SUPT3H: variants seen among roughly 807,000 people sequenced by gnomAD.
SUPT3H encodes the protein transcription initiation protein SPT3 homolog.
In SUPT3H, 44 loss-of-function variants were observed where a neutral mutation model predicts 44.3. The observed-to-expected ratio is 0.99, with a 90% confidence interval of 0.78 to 1.28. The LOEUF is 1.28. Ranked by LOEUF, SUPT3H falls within the 50% of genes most tolerant of loss-of-function variation. The pLI is 0.00. For missense variants in SUPT3H, 380 were observed against 387.1 expected, an observed-to-expected ratio of 0.98 and a Z score of 0.15; for synonymous variants, 124 against 125.6, an observed-to-expected ratio of 0.99 and a Z score of 0.09.
At chr6:44,979,118 C>T (rs1037590048) in intron 6 of SUPT3H, among the ~76,000 whole-genome samples, 1 of 152,112 alleles carries the variant, frequency 6.6e-6, no homozygotes, top group Non-Finnish European at 1.5e-5. Context: ...AATGAACACG[C>T]CTTGTTACTT....
At chr6:45,136,281 G>A (rs1031742767) in intron 2 of SUPT3H, among the ~76,000 whole-genome samples, 10 of 152,176 alleles carry the variant, frequency 6.6e-5, no homozygotes, top group African/African-American at 2.2e-4. Context: ...GTGGCTACAT[G>A]TTTGGGTGAC....
intron 10 of SUPT3H, among the ~76,000 whole-genome samples, chr6:44,905,768 C>T (rs1352711055): frequency 6.6e-6 from 1 of 152,172 alleles, no homozygotes; most frequent in South Asian, 2.1e-4. Flanking sequence ...TTGGAACCTA[C>T]CCAAATGTCC....
chr6:45,041,107 T>C (rs906256456), intron 3 of SUPT3H, among the ~76,000 whole-genome samples: 17 of 152,096 alleles, frequency 1.1e-4, no homozygotes, highest in African/African-American at 4.1e-4. Flanking sequence ...GGAGCTAGGG[T>C]GCCATCGTGA....
intron 5 of SUPT3H, among the ~76,000 whole-genome samples, chr6:45,008,419 G>A (rs1783012267): frequency 6.6e-6 from 1 of 152,048 alleles, no homozygotes; most frequent in African/African-American, 2.4e-5. Context: ...AAGTGGTGCA[G>A]TCACAGCATA....
intron 2 of SUPT3H, among the ~76,000 whole-genome samples, chr6:45,334,822 T>C (rs764533234): frequency 3.3e-5 from 5 of 151,152 alleles, no homozygotes; most frequent in African/African-American, 1.2e-4. Flanking sequence ...ATAATCAAAA[T>C]TTTTTTGCAT....
At chr6:44,838,295 C>T (rs909670002) in intron 10 of SUPT3H, among the ~76,000 whole-genome samples, 2 of 152,176 alleles carry the variant, frequency 1.3e-5, no homozygotes, top group Non-Finnish European at 2.9e-5. Context: ...ACAGTGGGTA[C>T]AGCAGGATCA....
intron 10 of SUPT3H, among the ~76,000 whole-genome samples, chr6:44,926,241 A>C (rs1349397694): frequency 6.6e-6 from 1 of 152,078 alleles, no homozygotes; most frequent in Admixed American, 6.5e-5. Context: ...AGTTGAATAA[A>C]AAATAATTAA....
intron 8 of SUPT3H, 50 bp downstream of exon 8, chr6:44,954,445 T>C: frequency 8.3e-6 from 11 of 1,320,686 alleles, no homozygotes; most frequent in Non-Finnish European, 1.2e-5. Flanking sequence ...TGGGCAGAGA[T>C]AAAGAAAAAC....
intron 2 of SUPT3H, among the ~76,000 whole-genome samples, chr6:45,342,731 T>C (rs1225304358): frequency 6.7e-6 from 1 of 148,160 alleles, no homozygotes; most frequent in African/African-American, 2.5e-5. Flanking sequence ...ATTTAGTTAA[T>C]AGTTTGCGTT....
chr6:45,351,629 A>G (rs1381060388), intron 2 of SUPT3H, among the ~76,000 whole-genome samples: 2 of 152,030 alleles, frequency 1.3e-5, no homozygotes, highest in Non-Finnish European at 2.9e-5. Context: ...TACTCTACCT[A>G]GTTTTATACT....
At chr6:44,813,976 T>G (rs1766728559) in intron 11 of SUPT3H, among the ~76,000 whole-genome samples, 1 of 152,088 alleles carries the variant, frequency 6.6e-6, no homozygotes, top group South Asian at 2.1e-4. Context: ...CAGCCACAGA[T>G]TCAAGTAGTT....
rs1017013708 is a variant in SUPT3H, at chr6:45,241,215, C to A, written c.101+123986G>T. Among the ~76,000 whole-genome samples the A allele has an allele frequency of 9.1e-5, 13 of 142,324 alleles. No homozygotes were observed. The South Asian group carries it at 1.1e-3, about 12-fold the overall frequency. 93.4% of individuals were successfully genotyped at this position (142,324 alleles called of 152,430 possible). On this transcript the variant is annotated intron_variant, in intron 2 of 10. Transcript: ENST00000371459. ...GACATGTTGGGAACAGGCCCCCCCC[C>A]AAATCTTGCCATAAGCTGGCCCCAA...
chr6:45,023,629 T>C (rs1785496541), intron 3 of SUPT3H, among the ~76,000 whole-genome samples: 2 of 152,228 alleles, frequency 1.3e-5, no homozygotes, highest in South Asian at 4.1e-4. Flanking sequence ...TGTGGGAACA[T>C]GGATGGAGTC....
In SUPT3H at chr6:45,349,837, T is replaced by C. The variant is rs62400329; in HGVS notation, c.101+15364A>G. Among the ~76,000 whole-genome samples, 910 of 152,370 alleles carry C rather than the reference T, an allele frequency of 6.0e-3. 8 individuals carry two copies. Among genetic ancestry groups the C allele is most frequent in the Non-Finnish European group, 7.9e-3 (536 of 68,030 alleles). On this transcript the variant is annotated intron_variant, in intron 2 of 10. Coordinates refer to ENST00000371459, the MANE Select transcript of SUPT3H (RefSeq NM_003599.4). ...CCATCCACTGCATAATCAGTTCATG[T>C]TGTCAATGTTCTCTTTTATTCAAAA...
chr6:44,961,683 T>G, intron 7 of SUPT3H, 70 bp downstream of exon 7: 1 of 1,229,706 alleles, frequency 8.1e-7, no homozygotes, highest in Non-Finnish European at 1.2e-6. Context: ...ACAGATCCTG[T>G]CATACTTTAG....
At position 44,935,905 on chromosome 6, in the gene SUPT3H, G is replaced by C. The variant is rs557560166; in HGVS notation, c.802-3142C>G. Among the ~76,000 whole-genome samples, 10 of 152,216 alleles carry C rather than the reference G, an allele frequency of 6.6e-5. No individual in the cohort carries two copies. The South Asian group carries it at 2.1e-3, about 32-fold the overall frequency. On this transcript the variant is annotated intron_variant, in intron 9 of 10. Coordinates refer to ENST00000371459, the MANE Select transcript of SUPT3H (RefSeq NM_003599.4). ...CCCAACTTAAAAAAGTTCTTGGCAG[G>C]GTTAGTGTCCTATCCTTTCTCAGCC...
intron 2 of SUPT3H, chr6:45,159,480 A>AT (rs1225919196): frequency 1.3e-5 from 2 of 152,146 alleles, no homozygotes; most frequent in African/African-American, 4.8e-5. Flanking sequence ...TCATCCTTGG[A>AT]TCTAGAGCCA....
intron 6 of SUPT3H, among the ~76,000 whole-genome samples, chr6:44,984,578 C>T (rs1400137276): frequency 1.3e-5 from 2 of 151,952 alleles, no homozygotes; most frequent in Non-Finnish European, 2.9e-5. Flanking sequence ...CTTTGCGATC[C>T]CCAGTCTCTA....
intron 2 of SUPT3H, among the ~76,000 whole-genome samples, chr6:45,314,330 G>A (rs10948225): frequency 0.15 from 22,850 of 152,036 alleles, 1,967 homozygotes; most frequent in East Asian, 0.26. Flanking sequence ...GGGCATCCAC[G>A]TCGGTAAAGA....
Sources: allele counts gnomAD v4.1 joint callset (sites outside exome capture counted in the v4.1 genomes callset), GRCh38; gene constraint gnomAD v4.1.1; transcripts MANE v1.5; gene names NCBI Gene and HGNC (gene_info 2026-07-23, HGNC 2026-07-21).